Variants in BIN3 observed in about 807,000 individuals in gnomAD.
BIN3 encodes the protein bridging integrator 3.
A neutral mutation model predicts 38.2 loss-of-function variants in BIN3; 41 were observed. The ratio of observed to expected loss-of-function variants is 1.07; its 90% CI spans 0.84 to 1.39. The LOEUF (loss-of-function observed/expected upper bound fraction) is 1.39, where lower values mean the gene tolerates loss of function less well. Among genes scored for constraint, BIN3 ranks in the 40% most tolerant of loss-of-function variants. The pLI is 0.00. For synonymous variants in BIN3, 145 were observed against 122.6 expected (o/e 1.18, Z -1.21); for missense variants, 361 against 324.3 (o/e 1.11, Z -0.87).
intron 1 of BIN3, among the ~76,000 whole-genome samples, chr8:22,656,512 G>A (rs1255908684): frequency 2.0e-5 from 3 of 152,242 alleles, no homozygotes; most frequent in African/African-American, 7.2e-5. Context: ...GACAGTCTTA[G>A]GGTATGAAAA....
chr8:22,655,828 T>C (rs1387609586), intron 1 of BIN3, among the ~76,000 whole-genome samples: 1 of 152,182 alleles, frequency 6.6e-6, no homozygotes, highest in East Asian at 1.9e-4. Flanking sequence ...GTATGACTAG[T>C]CCATTGTTTT....
intron 1 of BIN3, among the ~76,000 whole-genome samples, chr8:22,661,045 G>A (rs1273483313): frequency 6.6e-6 from 1 of 151,984 alleles, no homozygotes; most frequent in Non-Finnish European, 1.5e-5. Context: ...CACTACCCCT[G>A]GCTAATTTTT....
chr8:22,628,127 A>G (rs1802063977), intron 6 of BIN3, among the ~76,000 whole-genome samples: 1 of 152,234 alleles, frequency 6.6e-6, no homozygotes, highest in Non-Finnish European at 1.5e-5. Context: ...CTGGTGGGGA[A>G]TGCCTGCCAT....
intron 7 of BIN3, 59 bp from the exon 8 acceptor site, chr8:22,624,108 G>T: frequency 1.9e-6 from 3 of 1,593,434 alleles, no homozygotes; most frequent in South Asian, 1.1e-5. Context: ...GATACGGGAT[G>T]GGTGGGGTGG....
At position 22,621,534 on chromosome 8, in the gene BIN3, C is replaced by G. The variant is rs746946195; in HGVS notation, c.650G>C (p.Gly217Ala). ...VYYSEMHKIF[G>A]DLSHQLDQPG... is the part of the protein sequence containing the mutation. ...CTGGTCAAGCTGATGGGACAGGTCT[C>G]CAAAGATCTTGTGCATTTCCGAGTA... Residue 217 changes from glycine (G) to alanine (A), a missense_variant, in exon 9 of 9, where the codon GGA becomes GCA. By Grantham distance (60) the Gly-to-Ala change is moderately conservative. Transcript: ENST00000276416. 1.2e-6 allele frequency: 2 copies of G among 1,613,880 alleles called. No individual in the cohort carries two copies. Among genetic ancestry groups the G allele is most frequent in the Non-Finnish European group, 1.7e-6 (2 of 1,179,896 alleles).
chr8:22,648,729 T>C (rs1048860490), intron 1 of BIN3, among the ~76,000 whole-genome samples: 11 of 152,202 alleles, frequency 7.2e-5, no homozygotes, highest in African/African-American at 2.2e-4. Context: ...CAGAATCCTA[T>C]TTCTTATTTA....
At chr8:22,638,206 C>T (rs1040562605) in intron 2 of BIN3, among the ~76,000 whole-genome samples, 1 of 152,240 alleles carries the variant, frequency 6.6e-6, no homozygotes, top group Admixed American at 6.5e-5. Flanking sequence ...CTTCCAGCAA[C>T]GCTGACCTGA....
At chr8:22,661,167 G>C (rs2117597946) in intron 1 of BIN3, among the ~76,000 whole-genome samples, 1 of 152,214 alleles carries the variant, frequency 6.6e-6, no homozygotes, top group South Asian at 2.1e-4. Flanking sequence ...TTATAGGCAT[G>C]AGCCACCTCG....
At chr8:22,647,143 A>T (rs2117563952) in intron 1 of BIN3, among the ~76,000 whole-genome samples, 1 of 152,332 alleles carries the variant, frequency 6.6e-6, no homozygotes, top group East Asian at 1.9e-4. Flanking sequence ...CTGGAATTCT[A>T]AACTGAATCT....
chr8:22,633,298 T>C (rs1450851509), intron 4 of BIN3, among the ~76,000 whole-genome samples: 1 of 152,178 alleles, frequency 6.6e-6, no homozygotes, highest in Non-Finnish European at 1.5e-5. Context: ...AGTGTGACTC[T>C]GTTCCCCCTC....
intron 5 of BIN3, 98 bp from the exon 6 acceptor site, chr8:22,630,102 G>A (rs1802141305): frequency 1.6e-6 from 2 of 1,276,082 alleles, no homozygotes; most frequent in Admixed American, 2.0e-5. Context: ...GAAGTCTAAA[G>A]GGCCACAGGG....
intron 1 of BIN3, among the ~76,000 whole-genome samples, chr8:22,648,942 AGT>A (rs771584455): frequency 5.2e-5 from 6 of 115,112 alleles, no homozygotes; most frequent in Non-Finnish European, 9.2e-5. Flanking sequence ...TATGTATGTA[AGT>A]GTGTGTGTGT....
intron 1 of BIN3, among the ~76,000 whole-genome samples, chr8:22,663,272 A>C (rs1342388535): frequency 1.3e-5 from 2 of 151,754 alleles, no homozygotes; most frequent in Non-Finnish European, 2.9e-5. Flanking sequence ...AGTTGTGTTC[A>C]AAAAATTGTG....
chr8:22,644,694 CT>C (rs34656094), intron 2 of BIN3, 60 bp downstream of exon 2: 477,614 of 1,518,182 alleles, frequency 0.31, 76,410 homozygotes, highest in African/African-American at 0.37. Flanking sequence ...AGCTTTGATT[CT>C]TATGCAAAGG....
intron 1 of BIN3, among the ~76,000 whole-genome samples, chr8:22,653,247 G>A (rs781218728): frequency 1.3e-5 from 2 of 152,188 alleles, no homozygotes; most frequent in African/African-American, 2.4e-5. Flanking sequence ...TTTTATCAGT[G>A]TGTTCCGCTG....
intron 1 of BIN3, among the ~76,000 whole-genome samples, chr8:22,648,297 G>A (rs983733296): frequency 6.6e-6 from 1 of 152,026 alleles, no homozygotes; most frequent in Non-Finnish European, 1.5e-5. Context: ...CCTTTCTTCA[G>A]ACCTCCTCAG....
At chr8:22,625,416 G>C in intron 6 of BIN3, 1 of 702,538 alleles carries the variant, frequency 1.4e-6, no homozygotes, top group Non-Finnish European at 2.6e-6. Flanking sequence ...GTTCCTCCTG[G>C]ACATTTTTAT....
In BIN3 at chr8:22,647,250, C is replaced by T. The variant is rs531312479; in HGVS notation, c.9-2447G>A. Among the ~76,000 whole-genome samples, 9 of 152,270 alleles carry T rather than the reference C, an allele frequency of 5.9e-5. No homozygotes were observed. The South Asian group carries it at 1.9e-3, about 32-fold the overall frequency. On this transcript the variant is annotated intron_variant, in intron 1 of 8. Coordinates refer to ENST00000276416, the MANE Select transcript of BIN3 (RefSeq NM_018688.6). ...GGAGTTTAGTACTGTAGACAAGGGA[C>T]CAAGAATCAGAAACGTAGATTCCAT...
chr8:22,623,872 C>T lies in BIN3; in HGVS notation c.615+43G>A, dbSNP rs751227089. 17 of 1,597,244 alleles carry T rather than the reference C, an allele frequency of 1.1e-5. No individual in the cohort carries two copies. In the Admixed American group the frequency reaches 1.2e-4, roughly 11 times the overall value. On this transcript the variant is annotated intron_variant, in intron 8 of 8. Coordinates refer to ENST00000276416, the MANE Select transcript of BIN3 (RefSeq NM_018688.6). The stretch of plus-strand genomic sequence containing the variant: ...TGTGGGTGACAGGGAGTGGCATGAG[C>T]TGTGTATACCAAGCCCAGGGGAAGA...
Sources: allele counts gnomAD v4.1 joint callset (sites outside exome capture counted in the v4.1 genomes callset), GRCh38; gene constraint gnomAD v4.1.1; transcripts MANE v1.5; gene names NCBI Gene and HGNC (gene_info 2026-07-23, HGNC 2026-07-21).